The following FAT3 variants were observed in gnomAD, a reference collection of about 807,000 sequenced individuals.
FAT3 encodes FAT atypical cadherin 3, also known as protocadherin Fat 3.
In FAT3, 95 loss-of-function variants were observed where a neutral mutation model predicts 310.2. That is an observed-to-expected ratio of 0.31 (90% CI 0.26 to 0.36). FAT3 has a LOEUF of 0.36. Ranked by LOEUF, FAT3 falls within the 10% of genes least tolerant of loss-of-function variation. The pLI is 1.00. For synonymous variants in FAT3, 2,314 were observed against 2,192.9 expected, an observed-to-expected ratio of 1.06 and a Z score of -1.54; for missense variants, 5,408 against 5,715.6, an observed-to-expected ratio of 0.95 and a Z score of 1.74.
intron 13 of FAT3, among the ~76,000 whole-genome samples, chr11:92,816,015 C>T (rs1017098830): frequency 3.9e-5 from 6 of 152,200 alleles, no homozygotes; most frequent in Admixed American, 3.9e-4. Context: ...TAAAATGCTA[C>T]ATAGGTCCAT....
intron 1 of FAT3, among the ~76,000 whole-genome samples, chr11:92,262,669 C>A (rs1440843083): frequency 6.6e-6 from 1 of 152,106 alleles, no homozygotes; most frequent in Non-Finnish European, 1.5e-5. Context: ...TGGAAACAAG[C>A]TTTATTTTGA....
rs1428495685 is a variant in FAT3 at position 92,883,952 on chromosome 11, C to T, written c.12937+559C>T. On this transcript the variant is annotated intron_variant, in intron 24 of 27. Coordinates refer to ENST00000525166, the MANE Select transcript of FAT3 (RefSeq NM_001367949.2). The surrounding 1 kb of genome is among the most constrained non-coding windows in gnomAD (Gnocchi z 4.2). ...GTCTGGGGAAAGGAGGATATTCCAC[C>T]GTAGGGGGACCCATGTGATCAGAAG... Among the ~76,000 whole-genome samples, 1 of 152,092 alleles carries T rather than the reference C, an allele frequency of 6.6e-6. No individual in the cohort carries two copies. Among genetic ancestry groups the T allele is most frequent in the Non-Finnish European group, 1.5e-5 (1 of 68,026 alleles).
intron 1 of FAT3, among the ~76,000 whole-genome samples, chr11:92,296,433 C>CT (rs1946850677): frequency 1.3e-5 from 2 of 152,164 alleles, no homozygotes; most frequent in South Asian, 4.1e-4. Flanking sequence ...CTTCATTATA[C>CT]TAGGTATAAA....
At chr11:92,295,918 C>T (rs999735437) in intron 1 of FAT3, among the ~76,000 whole-genome samples, 2 of 152,056 alleles carry the variant, frequency 1.3e-5, no homozygotes, top group African/African-American at 4.8e-5. Context: ...AATGTATAAC[C>T]TTGGAGAACC....
intron 4 of FAT3, among the ~76,000 whole-genome samples, chr11:92,732,885 G>T (rs1483625457): frequency 6.6e-6 from 1 of 152,190 alleles, no homozygotes; most frequent in African/African-American, 2.4e-5. Flanking sequence ...AGACATCACA[G>T]AGCAGGTGTG....
At chr11:92,280,282 A>C (rs1946388047) in intron 1 of FAT3, among the ~76,000 whole-genome samples, 1 of 152,182 alleles carries the variant, frequency 6.6e-6, no homozygotes, top group Non-Finnish European at 1.5e-5. Flanking sequence ...AGCTATGAAC[A>C]TTGGGTATAG....
At chr11:92,742,965 A>G (rs7940836) in intron 4 of FAT3, among the ~76,000 whole-genome samples, 1,967 of 152,316 alleles carry the variant, frequency 0.013, 48 homozygotes, top group African/African-American at 0.044. Context: ...CAGTGGATAG[A>G]TGGTGTCAAT....
chr11:92,314,794 T>A (rs1394957965), intron 1 of FAT3, among the ~76,000 whole-genome samples: 3 of 152,218 alleles, frequency 2.0e-5, no homozygotes, highest in African/African-American at 7.2e-5. Flanking sequence ...CAAGCTTTTT[T>A]ACCCTCAGTT....
At chr11:92,404,052 AAG>A (rs1950085771) in intron 2 of FAT3, among the ~76,000 whole-genome samples, 1 of 151,964 alleles carries the variant, frequency 6.6e-6, no homozygotes, top group South Asian at 2.1e-4. Context: ...AAGGGAGAGA[AAG>A]AGAAAGAAAG....
chr11:92,714,747 T>C (rs551206952), intron 4 of FAT3, among the ~76,000 whole-genome samples: 1 of 152,294 alleles, frequency 6.6e-6, no homozygotes, highest in South Asian at 2.1e-4. Context: ...AGAAACTATC[T>C]ACAGGTAGTT....
intron 2 of FAT3, among the ~76,000 whole-genome samples, chr11:92,481,997 T>A (rs1952238824): frequency 6.6e-6 from 1 of 152,194 alleles, no homozygotes; most frequent in South Asian, 2.1e-4. Context: ...CATATGTATA[T>A]TTTTTAGATT....
At chr11:92,577,505 A>T (rs1340192638) in intron 3 of FAT3, among the ~76,000 whole-genome samples, 2 of 152,130 alleles carry the variant, frequency 1.3e-5, no homozygotes, top group African/African-American at 2.4e-5. Flanking sequence ...TACATTGTGG[A>T]ATGATCAAAT....
chr11:92,340,394 T>G (rs4385852), intron 1 of FAT3, among the ~76,000 whole-genome samples: 5,105 of 152,216 alleles, frequency 0.034, 248 homozygotes, highest in African/African-American at 0.1. Flanking sequence ...CCTTAGTTGT[T>G]CTCTCATTCA....
chr11:92,401,480 A>G (rs189531511), intron 2 of FAT3, among the ~76,000 whole-genome samples: 8 of 152,300 alleles, frequency 5.3e-5, no homozygotes, highest in Admixed American at 4.6e-4. Context: ...AATAAAAACC[A>G]TAGTCAACAG....
At chr11:92,851,613 A>G (rs555527976) in intron 19 of FAT3, among the ~76,000 whole-genome samples, 1 of 152,290 alleles carries the variant, frequency 6.6e-6, no homozygotes, top group African/African-American at 2.4e-5. Flanking sequence ...CAGGAGCTAA[A>G]CACATCTGAT....
intron 22 of FAT3, among the ~76,000 whole-genome samples, chr11:92,872,837 C>T (rs1039684218): frequency 3.9e-5 from 6 of 152,162 alleles, no homozygotes; most frequent in African/African-American, 1.4e-4. Flanking sequence ...AGAGAAGAAT[C>T]GGAATGACTG....
At chr11:92,539,361 A>G (rs1300502208) in intron 3 of FAT3, among the ~76,000 whole-genome samples, 1 of 152,178 alleles carries the variant, frequency 6.6e-6, no homozygotes. Flanking sequence ...TTAATCAAAT[A>G]TAGTTGGTGG....
intron 1 of FAT3, among the ~76,000 whole-genome samples, chr11:92,288,283 C>G (rs1946607530): frequency 6.6e-6 from 1 of 152,090 alleles, no homozygotes; most frequent in South Asian, 2.1e-4. Context: ...TTGGCAGGGT[C>G]TCAAGGGCAG....
rs578174097 is a variant in FAT3, at chr11:92,657,152, C to T, written c.3608-40232C>T. Among the ~76,000 whole-genome samples the T allele has an allele frequency of 2.3e-4, 35 of 152,226 alleles. 1 individual carries two copies. Among genetic ancestry groups the T allele is most frequent in the Admixed American group, 1.7e-3 (26 of 15,290 alleles). On this transcript the variant is annotated intron_variant, in intron 3 of 27. Coordinates refer to ENST00000525166, the MANE Select transcript of FAT3 (RefSeq NM_001367949.2). ...TTCAGATCTCTTTGTATAAAGCATG[C>T]CCGTTTTCCAGTGGTATTACCAAAG...
Sources: gnomAD v4.1 joint callset for allele counts (sites outside exome capture counted in the v4.1 genomes callset) on GRCh38, gnomAD v4.1.1 for gene constraint, Gnocchi (gnomAD v3.1) non-coding constraint, MANE v1.5 for transcripts, NCBI Gene and HGNC (gene_info 2026-07-23, HGNC 2026-07-21) for gene names.